TLN2: variants seen among roughly 807,000 people sequenced by gnomAD.
The protein encoded by TLN2 is talin-2.
In TLN2, 118 loss-of-function variants were observed where a neutral mutation model predicts 294.7. The ratio of observed to expected loss-of-function variants is 0.40; its 90% confidence interval spans 0.34 to 0.47. The LOEUF (loss-of-function observed/expected upper bound fraction) is 0.47, where lower values mean the gene tolerates loss of function less well. TLN2 is among the 20% of genes least tolerant of loss of function. TLN2 has a pLI of 0.84. For missense variants in TLN2, 3,083 were observed against 3,282.2 expected, an observed-to-expected ratio of 0.94 and a Z score of 1.48; for synonymous variants, 1,431 against 1,304.5, an observed-to-expected ratio of 1.10 and a Z score of -2.09.
intron 14 of TLN2, among the ~76,000 whole-genome samples, chr15:62,695,881 CGGCCCAGTAA>C (rs993822821): frequency 3.9e-5 from 6 of 152,190 alleles, no homozygotes; most frequent in African/African-American, 1.4e-4. Flanking sequence ...CCCATAGGAG[CGGCCCAGTAA>C]GTGTCTGAGC....
intron 52 of TLN2, among the ~76,000 whole-genome samples, chr15:62,812,743 G>A (rs967558677): frequency 6.6e-6 from 1 of 152,134 alleles, no homozygotes; most frequent in Non-Finnish European, 1.5e-5. Flanking sequence ...TGCCCACCTC[G>A]TTTGGGTGAG....
At chr15:62,607,552 T>C (rs555533454) in intron 2 of TLN2, among the ~76,000 whole-genome samples, 1 of 152,300 alleles carries the variant, frequency 6.6e-6, no homozygotes, top group South Asian at 2.1e-4. Context: ...TAATGGAGTT[T>C]AGAGAAAATA....
chr15:62,478,785 A>G (rs774530876), intron 1 of TLN2, among the ~76,000 whole-genome samples: 1 of 152,182 alleles, frequency 6.6e-6, no homozygotes, highest in Non-Finnish European at 1.5e-5. Flanking sequence ...TATTTCGTCT[A>G]TTTTGTATTA....
chr15:62,545,560 G>A (rs2041951859), intron 1 of TLN2, among the ~76,000 whole-genome samples: 1 of 146,956 alleles, frequency 6.8e-6, no homozygotes, highest in African/African-American at 2.5e-5. Flanking sequence ...GTGTCTCAAT[G>A]TGTTCTTTCC....
chr15:62,456,832 C>T (rs543170669), intron 1 of TLN2, among the ~76,000 whole-genome samples: 1 of 152,266 alleles, frequency 6.6e-6, no homozygotes, highest in East Asian at 1.9e-4. Context: ...ACAGGTTCTC[C>T]CTGGCTCTGT....
chr15:62,613,514 G>A (rs1455707482), intron 2 of TLN2, among the ~76,000 whole-genome samples: 1 of 152,106 alleles, frequency 6.6e-6, no homozygotes, highest in African/African-American at 2.4e-5. Flanking sequence ...GAAACAGTAC[G>A]GCAGTTTCTT....
intron 22 of TLN2, among the ~76,000 whole-genome samples, chr15:62,714,982 C>T (rs2059676055): frequency 1.3e-5 from 2 of 152,124 alleles, no homozygotes; most frequent in African/African-American, 4.8e-5. Flanking sequence ...TTAGAAAATA[C>T]CTGATGAACA....
chr15:62,740,917 C>T, intron 32 of TLN2, 148 bp downstream of exon 32: 1 of 977,254 alleles, frequency 1.0e-6, no homozygotes, highest in Non-Finnish European at 1.5e-6. Context: ...GTGATGGACA[C>T]TCTGATATTT....
chr15:62,486,707 T>C (rs1199967057), intron 1 of TLN2, among the ~76,000 whole-genome samples: 1 of 152,124 alleles, frequency 6.6e-6, no homozygotes, highest in Non-Finnish European at 1.5e-5. Flanking sequence ...TAATGTAGTG[T>C]TGAATTTGCA....
chr15:62,802,153 C>T (rs1464157421), intron 50 of TLN2, among the ~76,000 whole-genome samples: 2 of 151,830 alleles, frequency 1.3e-5, no homozygotes, highest in East Asian at 3.9e-4. Context: ...GATCCTTCTA[C>T]CCTCTATCTC....
chr15:62,748,963 C>T (rs571359460), intron 33 of TLN2, among the ~76,000 whole-genome samples: 1 of 152,210 alleles, frequency 6.6e-6, no homozygotes, highest in East Asian at 1.9e-4. Context: ...CCTAAGGGCC[C>T]AGAACACAGT....
chr15:62,473,508 C>T (rs1281162821), intron 1 of TLN2, among the ~76,000 whole-genome samples: 4 of 152,118 alleles, frequency 2.6e-5, no homozygotes, highest in African/African-American at 4.8e-5. Flanking sequence ...CTTTGCTTTT[C>T]GTAGTTGCAC....
chr15:62,621,176 A>G (rs1194498207), intron 3 of TLN2, among the ~76,000 whole-genome samples: 1 of 152,142 alleles, frequency 6.6e-6, no homozygotes, highest in African/African-American at 2.4e-5. Context: ...GGACTTAAGG[A>G]ATGAACTGTG....
chr15:62,745,621 C>T (rs1480521442), intron 32 of TLN2, among the ~76,000 whole-genome samples: 1 of 152,146 alleles, frequency 6.6e-6, no homozygotes, highest in African/African-American at 2.4e-5. Context: ...CACATATATT[C>T]ATCTCTGACA....
intron 28 of TLN2, among the ~76,000 whole-genome samples, chr15:62,731,800 G>A (rs1383207129): frequency 6.6e-6 from 1 of 152,096 alleles, no homozygotes; most frequent in Non-Finnish European, 1.5e-5. Flanking sequence ...TCAAATAAAT[G>A]TTTTATATAT....
intron 1 of TLN2, among the ~76,000 whole-genome samples, chr15:62,540,928 A>T (rs966070736): frequency 1.6e-4 from 25 of 152,088 alleles, no homozygotes; most frequent in African/African-American, 5.6e-4. Flanking sequence ...CCCCAGTCCA[A>T]CTCAGCTCTG....
chr15:62,524,723 T>C (rs1286060750), intron 1 of TLN2, among the ~76,000 whole-genome samples: 1 of 152,188 alleles, frequency 6.6e-6, no homozygotes, highest in Non-Finnish European at 1.5e-5. Context: ...GAATTCAGAA[T>C]CAGTTGGGCT....
intron 17 of TLN2, among the ~76,000 whole-genome samples, chr15:62,701,660 G>A (rs1356633252): frequency 6.6e-6 from 1 of 152,202 alleles, no homozygotes; most frequent in Non-Finnish European, 1.5e-5. Context: ...GAACTTGCTT[G>A]TTTCACCCTG....
intron 54 of TLN2, chr15:62,832,359 C>G (rs1354082498): frequency 6.6e-6 from 1 of 152,188 alleles, no homozygotes; most frequent in African/African-American, 2.4e-5. Flanking sequence ...AGGTACCACC[C>G]ACATCTTCAA....
Sources: allele counts gnomAD v4.1 joint callset (sites outside exome capture counted in the v4.1 genomes callset), GRCh38; gene constraint gnomAD v4.1.1; transcripts MANE v1.5; gene names NCBI Gene and HGNC (gene_info 2026-07-23, HGNC 2026-07-21).